The following MARCHF1 variants were observed in gnomAD, a reference collection of about 807,000 sequenced individuals.
The protein encoded by MARCHF1 is membrane associated ring-CH-type finger 1, also known as E3 ubiquitin-protein ligase MARCHF1.
Under a neutral mutation model 54.2 loss-of-function variants are expected in MARCHF1, and 40 were observed. The ratio of observed to expected loss-of-function variants is 0.74; its 90% CI spans 0.57 to 0.96. The LOEUF is 0.96. Ranked by LOEUF, MARCHF1 falls within the 40% of genes least tolerant of loss-of-function variation. MARCHF1 has a pLI of 0.00. For synonymous variants in MARCHF1, 236 were observed against 236.3 expected (o/e 1.00, Z 0.01); for missense variants, 586 against 656.5 (o/e 0.89, Z 1.17).
chr4:164,211,330 T>C (rs1731764571), intron 1 of MARCHF1, among the ~76,000 whole-genome samples: 1 of 47,794 alleles, frequency 2.1e-5, no homozygotes, highest in Admixed American at 2.5e-4. Context: ...TATGTATGTA[T>C]GTATATATAT....
chr4:164,101,201 T>C (rs1448215844), intron 2 of MARCHF1, among the ~76,000 whole-genome samples: 2 of 152,174 alleles, frequency 1.3e-5, no homozygotes, highest in African/African-American at 2.4e-5. Context: ...CACCCGCCAT[T>C]GCCCAGGCTT....
intron 4 of MARCHF1, among the ~76,000 whole-genome samples, chr4:163,731,029 A>ATC (rs1416512638): frequency 6.6e-6 from 1 of 152,178 alleles, no homozygotes; most frequent in African/African-American, 2.4e-5. Context: ...TTGTGGAATG[A>ATC]TCTCTTCCAG....
At chr4:163,997,990 A>G (rs542411609) in intron 2 of MARCHF1, among the ~76,000 whole-genome samples, 7 of 151,566 alleles carry the variant, frequency 4.6e-5, no homozygotes, top group Non-Finnish European at 1.0e-4. Context: ...CTAAAAAAAG[A>G]TATAAGTAAC....
In MARCHF1 at chr4:163,612,441, C is replaced by A. The variant is rs1375736622; in HGVS notation, c.840G>T (p.Arg280Ser). Residue 280 changes from arginine (R) to serine (S), a missense_variant, in exon 7 of 10, where the codon AGG (arginine) becomes AGT (serine). Transcript: ENST00000514618. ...ATGTCTTCTTCATTATTTCATTTTT[C>A]CTAAGACTTTGCAAGAGCTGAGGAT... ...HRDPQLLQSL[R>S]KNEIMKKTFS... 1 of 1,535,230 alleles carries A rather than the reference C, an allele frequency of 6.5e-7. No homozygotes were observed.
chr4:163,589,222 A>T (rs1740507063), intron 7 of MARCHF1, among the ~76,000 whole-genome samples: 1 of 152,142 alleles, frequency 6.6e-6, no homozygotes, highest in African/African-American at 2.4e-5. Context: ...ACTGCTTTAA[A>T]CAGAGACCTT....
chr4:164,237,907 A>G (rs1466040665), intron 1 of MARCHF1, among the ~76,000 whole-genome samples: 3 of 152,040 alleles, frequency 2.0e-5, no homozygotes, highest in Non-Finnish European at 2.9e-5. Flanking sequence ...AATTGGGGAA[A>G]ATATCAAAGA....
chr4:164,161,228 T>G (rs1730225665), intron 1 of MARCHF1, among the ~76,000 whole-genome samples: 1 of 152,064 alleles, frequency 6.6e-6, no homozygotes, highest in Admixed American at 6.6e-5. Flanking sequence ...ATCTGGTTGT[T>G]TAAAAATATG....
At chr4:163,996,783 C>T (rs904299681) in intron 2 of MARCHF1, among the ~76,000 whole-genome samples, 1 of 151,982 alleles carries the variant, frequency 6.6e-6, no homozygotes, top group African/African-American at 2.4e-5. Context: ...ATCTAACAAA[C>T]ATACATGCAC....
intron 2 of MARCHF1, among the ~76,000 whole-genome samples, chr4:163,992,198 G>T (rs1041844649): frequency 1.3e-5 from 2 of 151,660 alleles, no homozygotes; most frequent in Non-Finnish European, 2.9e-5. Context: ...TGGATAGACT[G>T]AAAATTCAAT....
chr4:164,054,888 A>C (rs1035234790), intron 2 of MARCHF1, among the ~76,000 whole-genome samples: 11 of 151,816 alleles, frequency 7.2e-5, no homozygotes, highest in African/African-American at 2.2e-4. Flanking sequence ...TGTAACTAAC[A>C]TGCACAATGT....
At chr4:163,687,216 G>A (rs1369066034) in intron 5 of MARCHF1, among the ~76,000 whole-genome samples, 2 of 151,906 alleles carry the variant, frequency 1.3e-5, no homozygotes, top group African/African-American at 2.4e-5. Flanking sequence ...AATTCCAAGA[G>A]GTGAGAAGTC....
At chr4:164,143,559 A>T (rs1729560115) in intron 1 of MARCHF1, among the ~76,000 whole-genome samples, 1 of 151,626 alleles carries the variant, frequency 6.6e-6, no homozygotes. Context: ...AGAATTTCAT[A>T]TCCAGCCAAA....
intron 4 of MARCHF1, among the ~76,000 whole-genome samples, chr4:163,829,547 G>A (rs1727066657): frequency 6.6e-6 from 1 of 152,112 alleles, no homozygotes; most frequent in African/African-American, 2.4e-5. Flanking sequence ...TCTCCTTACT[G>A]CTCTTTCAGC....
chr4:163,528,778 C>T lies in MARCHF1; in HGVS notation c.1608G>A (p.Glu536=). 6.2e-7 allele frequency: 1 copy of T among 1,612,668 alleles called. No individual in the cohort carries two copies. The highest frequency in any genetic ancestry group is 1.1e-5 in the South Asian group (1 of 90,986). ...QTGANSLPSA[E]GGPPEVVSV ...CTGATACAACTTCAGGGGGGCCACC[C>T]TCTGCAGATGGCAGTGAATTTGCAC... Residue 536 remains glutamate, a synonymous_variant, in exon 10 of 10, where the codon GAG becomes GAA. Coordinates refer to ENST00000514618, the MANE Select transcript of MARCHF1 (RefSeq NM_001394959.1).
intron 1 of MARCHF1, among the ~76,000 whole-genome samples, chr4:164,153,569 CTT>C (rs947769449): frequency 1.3e-5 from 2 of 151,974 alleles, no homozygotes; most frequent in African/African-American, 4.8e-5. Context: ...ATTTGGCCAA[CTT>C]TGATTAAAAA....
chr4:164,253,907 C>CA (rs1733193900), intron 1 of MARCHF1, among the ~76,000 whole-genome samples: 1 of 152,188 alleles, frequency 6.6e-6, no homozygotes, highest in South Asian at 2.1e-4. Flanking sequence ...AAAGCAATCT[C>CA]AAAAGTTTGC....
intron 2 of MARCHF1, among the ~76,000 whole-genome samples, chr4:164,035,257 CAT>C (rs1753967804): frequency 2.0e-5 from 3 of 152,038 alleles, no homozygotes; most frequent in African/African-American, 7.2e-5. Context: ...TCTTCAGAAA[CAT>C]ATAAGTCATT....
At chr4:164,181,359 A>T (rs1349436764) in intron 1 of MARCHF1, among the ~76,000 whole-genome samples, 2 of 152,134 alleles carry the variant, frequency 1.3e-5, no homozygotes, top group Admixed American at 1.3e-4. Context: ...AATCATATAT[A>T]TGTATACACA....
At chr4:163,850,477 C>A (rs903576447) in intron 4 of MARCHF1, among the ~76,000 whole-genome samples, 5 of 152,166 alleles carry the variant, frequency 3.3e-5, no homozygotes, top group Admixed American at 2.6e-4. Flanking sequence ...AGATTAAATA[C>A]TTTTGCATAT....
Sources: gnomAD v4.1 joint callset for allele counts (sites outside exome capture counted in the v4.1 genomes callset) on GRCh38, gnomAD v4.1.1 for gene constraint, MANE v1.5 for transcripts, NCBI Gene and HGNC (gene_info 2026-07-23, HGNC 2026-07-21) for gene names.